EPHA5: variants seen among roughly 807,000 people sequenced by gnomAD.
EPHA5 encodes the protein ephrin type-A receptor 5.
In EPHA5, 60 loss-of-function variants were observed where a neutral mutation model predicts 105.0. That is an observed-to-expected ratio of 0.57 (90% CI 0.46 to 0.71). EPHA5 has a LOEUF of 0.71. EPHA5 is among the 30% of genes least tolerant of loss of function. The pLI is 0.00. For missense variants in EPHA5, 1,218 were observed against 1,274.7 expected (o/e 0.96, Z 0.68); for synonymous variants, 513 against 449.1 (o/e 1.14, Z -1.80).
At chr4:65,421,723 G>GAATTATATTTAA (rs1303521403) in intron 5 of EPHA5, among the ~76,000 whole-genome samples, 1 of 152,014 alleles carries the variant, frequency 6.6e-6, no homozygotes, top group Non-Finnish European at 1.5e-5. Context: ...TATTTAATAT[G>GAATTATATTTAA]TATGCTTCAT....
intron 3 of EPHA5, among the ~76,000 whole-genome samples, chr4:65,524,033 A>C (rs1735007812): frequency 6.6e-6 from 1 of 151,860 alleles, no homozygotes; most frequent in Non-Finnish European, 1.5e-5. Flanking sequence ...CCTTCCAAGC[A>C]GTTGAAAATA....
chr4:65,572,524 C>A (rs1413809075), intron 3 of EPHA5, among the ~76,000 whole-genome samples: 1 of 152,064 alleles, frequency 6.6e-6, no homozygotes, highest in East Asian at 1.9e-4. Context: ...ATACTTAGTG[C>A]AAAAGACACA....
chr4:65,606,960 G>A (rs1341583109), intron 2 of EPHA5, among the ~76,000 whole-genome samples: 2 of 152,004 alleles, frequency 1.3e-5, no homozygotes, highest in East Asian at 1.9e-4. Context: ...TTTAAATACA[G>A]GGAAAGCTGT....
intron 5 of EPHA5, among the ~76,000 whole-genome samples, chr4:65,438,782 G>A (rs2149080694): frequency 6.6e-6 from 1 of 151,996 alleles, no homozygotes; most frequent in African/African-American, 2.4e-5. Flanking sequence ...AAAATAGCAA[G>A]AATGTCAACG....
In EPHA5 at chr4:65,420,449, A is replaced by T. The variant is rs1723836678; in HGVS notation, c.1519T>A (p.Phe507Ile). The change falls in exon 6 of 17, where the codon TTT becomes ATT. Residue 507 changes from phenylalanine to isoleucine, a missense_variant. Transcript: ENST00000613740. ...TATTCTGTTAGTCTTACCTTTTCAA[A>T]ATACTTGATTTCATACTCTAGGATG... ...GIILEYEIKY[F>I]EKDQETSYTI... The T allele has an allele frequency of 6.3e-7, 1 of 1,589,558 alleles. No homozygotes were observed. Among genetic ancestry groups the T allele is most frequent in the Non-Finnish European group, 8.5e-7 (1 of 1,169,898 alleles).
At chr4:65,544,941 GAAA>G (rs11306441) in intron 3 of EPHA5, among the ~76,000 whole-genome samples, 3 of 145,258 alleles carry the variant, frequency 2.1e-5, no homozygotes, top group African/African-American at 2.5e-5. Flanking sequence ...GATGAAGCTG[GAAA>G]AAAAAAAAAG....
chr4:65,559,385 C>T (rs1340841942), intron 3 of EPHA5, among the ~76,000 whole-genome samples: 1 of 152,138 alleles, frequency 6.6e-6, no homozygotes, highest in African/African-American at 2.4e-5. Flanking sequence ...TCAATTCCAA[C>T]AGCTGTCACA....
chr4:65,647,866 T>C (rs1434420773), intron 1 of EPHA5, among the ~76,000 whole-genome samples: 5 of 152,280 alleles, frequency 3.3e-5, no homozygotes, highest in African/African-American at 1.2e-4. Context: ...AATGAATATG[T>C]ACTAAATTGC....
Position 65,601,792 on chromosome 4 carries a change from G to A in EPHA5, c.759C>T (p.Ser253=), listed in dbSNP as rs2149437927. The A allele has an allele frequency of 2.5e-6, 4 of 1,614,116 alleles. No individual in the cohort carries two copies. Among genetic ancestry groups the A allele is most frequent in the Non-Finnish European group, 2.5e-6 (3 of 1,180,016 alleles). Residue 253 remains serine, a synonymous_variant, in exon 3 of 17, where the codon TCC becomes TCT. Transcript: ENST00000613740. The part of the protein sequence containing the change: ...FPDTITGADS[S]QLLEVSGSCV... ...AGGAGCCTGACACTTCGAGCAATTG[G>A]GAAGAATCAGCTCCAGTGATGGTGT...
chr4:65,395,058 T>A lies in EPHA5; in HGVS notation c.1793+9316A>T, dbSNP rs150075609. Among the ~76,000 whole-genome samples the A allele has an allele frequency of 1.3e-3, 200 of 152,304 alleles. 2 individuals are homozygous for A. Among genetic ancestry groups the A allele is most frequent in the African/African-American group, 4.4e-3 (184 of 41,572 alleles). On this transcript the variant is annotated intron_variant, in intron 8 of 16. Transcript: ENST00000613740. ...CATAAATATTTTATTTGGCCCCAAA[T>A]GAGCTTGAAGAAAACTTTCTAAGTT...
chr4:65,332,412 G>A (rs1176526019), intron 15 of EPHA5, among the ~76,000 whole-genome samples: 1 of 151,656 alleles, frequency 6.6e-6, no homozygotes, highest in East Asian at 1.9e-4. Context: ...ATTTTATTGA[G>A]TACTAATAGA....
chr4:65,496,224 CAT>C (rs1731917776), intron 3 of EPHA5, among the ~76,000 whole-genome samples: 2 of 151,942 alleles, frequency 1.3e-5, no homozygotes, highest in South Asian at 4.1e-4. Context: ...TAAGTTCAAA[CAT>C]TATGTCTTTT....
chr4:65,642,992 T>A (rs1279372609), intron 2 of EPHA5, among the ~76,000 whole-genome samples: 3 of 152,056 alleles, frequency 2.0e-5, no homozygotes, highest in African/African-American at 7.2e-5. Context: ...TTATTTCCTG[T>A]GCAATATGCC....
In EPHA5 at chr4:65,376,866, T is replaced by A; in HGVS notation, c.1794-9442A>T. On this transcript the variant is annotated intron_variant, in intron 8 of 16. Coordinates refer to ENST00000613740, the MANE Select transcript of EPHA5 (RefSeq NM_001281766.3). Reference sequence around the variant, plus strand: ...TTGAAATAATCCATTGTGAAATCACTTGTTAGGATTCACCTTGGGGAGCCA... The same window carrying A: ...TTGAAATAATCCATTGTGAAATCACATGTTAGGATTCACCTTGGGGAGCCA... The A allele has an allele frequency of 2.1e-5, 13 of 619,440 alleles. No individual in the cohort carries two copies. The South Asian group carries it at 5.6e-4, about 27-fold the overall frequency. 38.4% of individuals were successfully genotyped at this position (619,440 alleles called of 1,614,324 possible).
chr4:65,458,760 G>A (rs935927530), intron 5 of EPHA5, among the ~76,000 whole-genome samples: 1 of 151,970 alleles, frequency 6.6e-6, no homozygotes, highest in Non-Finnish European at 1.5e-5. Flanking sequence ...TATAGTACAT[G>A]TATAAATAGA....
In EPHA5 at chr4:65,438,527, G is replaced by A. The variant is rs1287377839; in HGVS notation, c.1403-17962C>T. 9.2e-5 allele frequency among the ~76,000 whole-genome samples: 14 copies of A among 151,770 alleles called. No individual in the cohort carries two copies. The South Asian group carries it at 1.5e-3, about 16-fold the overall frequency. ...TTTGATTTATAAAATATGAGCAGAA[G>A]GCTATAGAGACACAAAGAAGACAGT... On this transcript the variant is annotated intron_variant, in intron 5 of 16. Transcript: ENST00000613740.
chr4:65,476,119 A>AGTGTGT (rs772117051), intron 5 of EPHA5, among the ~76,000 whole-genome samples: 290 of 126,812 alleles, frequency 2.3e-3, no homozygotes, highest in African/African-American at 5.3e-3. Flanking sequence ...AGAGAGAGAG[A>AGTGTGT]GAGAGAGAGT....
chr4:65,661,308 C>A (rs999746080), intron 1 of EPHA5, among the ~76,000 whole-genome samples: 10 of 152,048 alleles, frequency 6.6e-5, no homozygotes, highest in Non-Finnish European at 1.2e-4. Flanking sequence ...TCCACTGTGA[C>A]TAATTCTTTC....
intron 3 of EPHA5, among the ~76,000 whole-genome samples, chr4:65,524,934 T>A (rs1052946585): frequency 6.6e-6 from 1 of 151,756 alleles, no homozygotes; most frequent in African/African-American, 2.4e-5. Flanking sequence ...CAAAGAAAGA[T>A]CTGCTCTGTT....
Sources: allele counts gnomAD v4.1 joint callset (sites outside exome capture counted in the v4.1 genomes callset), GRCh38; gene constraint gnomAD v4.1.1; transcripts MANE v1.5; gene names NCBI Gene and HGNC (gene_info 2026-07-23, HGNC 2026-07-21).